CEP68: variants seen among roughly 807,000 people sequenced by gnomAD.
CEP68 encodes the protein centrosomal protein 68, also known as centrosomal protein of 68 kDa.
CEP68 carries 26 observed loss-of-function variants against 55.3 expected under a neutral mutation model. The observed-to-expected ratio is 0.47, with a 90% CI of 0.34 to 0.65. CEP68 has a LOEUF of 0.65. CEP68 is among the 30% of genes least tolerant of loss of function. CEP68 has a pLI of 0.01. For synonymous variants in CEP68, 402 were observed against 383.2 expected (o/e 1.05, Z -0.57); for missense variants, 957 against 946.7 (o/e 1.01, Z -0.14).
Position 65,071,885 on chromosome 2 carries a change from C to T in CEP68, c.789C>T (p.Gly263=). ...CTGGGGGTGATGCTTCTGGGCTAGGCAGGAGACGCCTCTCCTTCCAGGCTG... is the reference window on the plus strand; with the variant it reads ...CTGGGGGTGATGCTTCTGGGCTAGGTAGGAGACGCCTCTCCTTCCAGGCTG... ...VFSGGDASGL[G]RRRLSFQAEY... Residue 263 remains glycine, a synonymous_variant, in exon 3 of 7, where the codon GGC becomes GGT. Transcript: ENST00000377990. The T allele has an allele frequency of 6.2e-7, 1 of 1,611,454 alleles. No homozygotes were observed. The highest frequency in any genetic ancestry group is 8.5e-7 in the Non-Finnish European group (1 of 1,178,792).
intron 5 of CEP68, chr2:65,080,545 G>A (rs1391638724): frequency 1.1e-5 from 11 of 985,212 alleles, no homozygotes; most frequent in Admixed American, 6.2e-5. Flanking sequence ...GCGTCCGTGC[G>A]CAGTGGCTCA....
At chr2:65,063,085 G>T (rs1176664777) in intron 1 of CEP68, among the ~76,000 whole-genome samples, 3 of 152,234 alleles carry the variant, frequency 2.0e-5, no homozygotes, top group Admixed American at 1.3e-4. Flanking sequence ...CTTAGAGTTT[G>T]TGTTACCACA....
intron 1 of CEP68, among the ~76,000 whole-genome samples, chr2:65,068,682 C>G (rs549470873): frequency 6.6e-6 from 1 of 152,160 alleles, no homozygotes; most frequent in South Asian, 2.1e-4. Context: ...GAAAAATTAG[C>G]CAGGCGTGGT....
intron 1 of CEP68, among the ~76,000 whole-genome samples, chr2:65,060,160 C>G (rs890381593): frequency 1.3e-5 from 2 of 152,154 alleles, no homozygotes; most frequent in Non-Finnish European, 2.9e-5. Context: ...CCTCTCTGTC[C>G]TATGCCTTTT....
intron 2 of CEP68, among the ~76,000 whole-genome samples, 179 bp downstream of exon 2, chr2:65,069,980 C>T (rs1676383610): frequency 6.6e-6 from 1 of 152,162 alleles, no homozygotes; most frequent in East Asian, 1.9e-4. Flanking sequence ...TCAGGACCGG[C>T]CGGGGGGACT....
rs564342967 is a variant in CEP68 at position 65,075,642 on chromosome 2, GT to G, written c.2007+1240del. Among the ~76,000 whole-genome samples, 189 of 152,264 alleles carry G rather than the reference GT, an allele frequency of 1.2e-3. 1 individual carries two copies. The highest frequency in any genetic ancestry group is 0.012 in the Admixed American group (180 of 15,298). Reference sequence around the variant, plus strand: ...CCTGAATTGGAGGATAAATTATATAGTTGTCATCCCTAAGTCTAACGTTAAC... The same window carrying G: ...CCTGAATTGGAGGATAAATTATATAGTGTCATCCCTAAGTCTAACGTTAAC... On this transcript the variant is annotated intron_variant, in intron 4 of 6. Coordinates refer to ENST00000377990, the MANE Select transcript of CEP68 (RefSeq NM_015147.3).
chr2:65,066,618 C>T (rs1260879400), intron 1 of CEP68, among the ~76,000 whole-genome samples: 1 of 149,798 alleles, frequency 6.7e-6, no homozygotes, highest in African/African-American at 2.5e-5. Context: ...ATCCCAGCTA[C>T]TCGGGAGGCT....
rs1414978375 is a variant in CEP68 at position 65,072,928 on chromosome 2, T to C, written c.1832T>C (p.Leu611Pro). 6.2e-7 allele frequency: 1 copy of C among 1,613,986 alleles called. No homozygotes were observed. The highest frequency in any genetic ancestry group is 8.5e-7 in the Non-Finnish European group (1 of 1,180,034). ...PFSDPDVEGQ[L>P]PRKGGEQGKE... Reference sequence around the variant, plus strand: ...TCAGACCCAGATGTTGAAGGGCAGCTTCCCAGGAAAGGAGGAGAACAGGGA... The same window carrying C: ...TCAGACCCAGATGTTGAAGGGCAGCCTCCCAGGAAAGGAGGAGAACAGGGA... Residue 611 changes from leucine to proline, a missense_variant, in exon 3 of 7, where the codon CTT (leucine) becomes CCT (proline). Physicochemically the swap from Leu to Pro is moderately conservative, Grantham distance 98. Transcript: ENST00000377990.
chr2:65,082,216 C>G (rs1668860541), intron 5 of CEP68, among the ~76,000 whole-genome samples: 1 of 152,240 alleles, frequency 6.6e-6, no homozygotes, highest in Non-Finnish European at 1.5e-5. Context: ...ACAGAGATAC[C>G]TGTCTTACCT....
At chr2:65,061,219 A>C (rs917776896) in intron 1 of CEP68, among the ~76,000 whole-genome samples, 8 of 152,194 alleles carry the variant, frequency 5.3e-5, no homozygotes, top group Non-Finnish European at 1.0e-4. Flanking sequence ...CTTGCCTTGT[A>C]AATGAGAACA....
At position 65,082,617 on chromosome 2, in the gene CEP68, TGG is replaced by T. The variant is rs1178981154; in HGVS notation, c.2187_2188del (p.Leu729PhefsTer14). The T allele has an allele frequency of 6.2e-7, 1 of 1,612,422 alleles. No individual in the cohort carries two copies. Among genetic ancestry groups the T allele is most frequent in the African/African-American group, 1.3e-5 (1 of 74,790 alleles). ...GCAGATCGCCTGTATGACTCTATCTTGGCCTCTCTGGACATGCTGGCTGGCTG... is the reference window on the plus strand; with the variant it reads ...GCAGATCGCCTGTATGACTCTATCTTCCTCTCTGGACATGCTGGCTGGCTG... On this transcript the variant is annotated frameshift_variant, in exon 6 of 7. Transcript: ENST00000377990. LOFTEE classifies it high-confidence loss of function.
chr2:65,071,638 G>T lies in CEP68; in HGVS notation c.542G>T (p.Trp181Leu). ...HSSGLSCLSQ[W>L]KSVLSPGSAA... ...TCAGGTCTCTCTTGCCTGTCACAGT[G>T]GAAGTCCGTGCTGAGCCCAGGTTCC... Residue 181 changes from tryptophan (W) to leucine (L), a missense_variant, in exon 3 of 7, where the codon TGG (tryptophan) becomes TTG (leucine). Coordinates refer to ENST00000377990, the MANE Select transcript of CEP68 (RefSeq NM_015147.3). The T allele has an allele frequency of 6.2e-7, 1 of 1,614,164 alleles. No individual in the cohort carries two copies. Among genetic ancestry groups the T allele is most frequent in the African/African-American group, 1.3e-5 (1 of 75,038 alleles).
chr2:65,059,432 C>T (rs1675807207), intron 1 of CEP68, among the ~76,000 whole-genome samples: 1 of 152,148 alleles, frequency 6.6e-6, no homozygotes, highest in Admixed American at 6.5e-5. Flanking sequence ...AGGAGAAATT[C>T]AGGTCTGTGA....
intron 1 of CEP68, among the ~76,000 whole-genome samples, chr2:65,068,007 C>T (rs2103764349): frequency 6.6e-6 from 1 of 152,284 alleles, no homozygotes; most frequent in African/African-American, 2.4e-5. Context: ...GATGAGCCCG[C>T]AGCCATTCCC....
At chr2:65,074,549 A>G in intron 4 of CEP68, 145 bp downstream of exon 4, 3 of 1,205,958 alleles carry the variant, frequency 2.5e-6, no homozygotes, top group Non-Finnish European at 3.7e-6. Flanking sequence ...AGAGCTTCAC[A>G]TTCTTAAAGC....
chr2:65,074,520 T>G, intron 4 of CEP68, 116 bp downstream of exon 4: 1 of 1,430,252 alleles, frequency 7.0e-7, no homozygotes, highest in East Asian at 2.3e-5. Context: ...CAGTTGACTA[T>G]TATACCTGAA....
chr2:65,077,893 A>G lies in CEP68; in HGVS notation c.2033A>G (p.His678Arg), dbSNP rs1676836781. 2 of 1,613,806 alleles carry G rather than the reference A, an allele frequency of 1.2e-6. No homozygotes were observed. The highest frequency in any genetic ancestry group is 1.7e-6 in the Non-Finnish European group (2 of 1,179,832). Reference protein sequence around the residue: ...YRQFKKDIDEHQSLTESVLQK... With the variant: ...YRQFKKDIDERQSLTESVLQK... Reference sequence around the variant, plus strand: ...CAATTTAAGAAAGATATAGATGAACATCAGTCTCTGACGGAGAGTGTCTTA... The same window carrying G: ...CAATTTAAGAAAGATATAGATGAACGTCAGTCTCTGACGGAGAGTGTCTTA... The change falls in exon 5 of 7, where the codon CAT becomes CGT. Residue 678 changes from histidine (H) to arginine (R), a missense_variant. Transcript: ENST00000377990.
chr2:65,065,023 A>C (rs1676095984), intron 1 of CEP68, among the ~76,000 whole-genome samples: 1 of 152,122 alleles, frequency 6.6e-6, no homozygotes, highest in Non-Finnish European at 1.5e-5. Flanking sequence ...CTTATTCCCC[A>C]GTTGGCTCAT....
intron 4 of CEP68, among the ~76,000 whole-genome samples, chr2:65,075,672 G>A (rs1676726498): frequency 6.6e-6 from 1 of 152,122 alleles, no homozygotes; most frequent in Admixed American, 6.5e-5. Flanking sequence ...CGTTAACCTT[G>A]GCTGAACTCC....
Sources: gnomAD v4.1 joint callset for allele counts (sites outside exome capture counted in the v4.1 genomes callset) on GRCh38, gnomAD v4.1.1 for gene constraint, MANE v1.5 for transcripts, NCBI Gene and HGNC (gene_info 2026-07-23, HGNC 2026-07-21) for gene names.